Variants in PFKFB2 observed in about 807,000 individuals in gnomAD.
PFKFB2 encodes the protein 6-phosphofructo-2-kinase/fructose-2,6-biphosphatase 2.
A neutral mutation model predicts 68.0 loss-of-function variants in PFKFB2; 53 were observed. That is an observed-to-expected ratio of 0.78 (90% CI 0.63 to 0.98). The LOEUF is 0.98. Among genes scored for constraint, PFKFB2 ranks in the 50% least tolerant of loss-of-function variants. PFKFB2 has a pLI of 0.00. For synonymous variants in PFKFB2, 222 were observed against 227.6 expected, an observed-to-expected ratio of 0.98 and a Z score of 0.22; for missense variants, 451 against 642.0, an observed-to-expected ratio of 0.70 and a Z score of 3.22.
At chr1:207,050,373 T>C (rs938058418), upstream of PFKFB2, among the ~76,000 whole-genome samples, 1 of 151,454 alleles carries the variant, frequency 6.6e-6, no homozygotes, top group Non-Finnish European at 1.5e-5. Context: ...ACAGAGAAAA[T>C]AGGCCCTACT....
Position 207,072,263 on chromosome 1 carries a change from G to A in PFKFB2, c.1410G>A (p.Leu470=). The change falls in exon 15 of 15, where the codon CTG becomes CTA. Residue 470 remains leucine, a synonymous_variant. Coordinates refer to ENST00000367080, the MANE Select transcript of PFKFB2 (RefSeq NM_006212.2). ...TGAGAAGGAACAGCTTTACGCCTCT[G>A]TCCAGTTCGAATACAATAAGGCGTC... The part of the protein sequence containing the change: ...VRMRRNSFTP[L]SSSNTIRRPR... The A allele has an allele frequency of 6.2e-7, 1 of 1,614,196 alleles. No homozygotes were observed. Among genetic ancestry groups the A allele is most frequent in the Non-Finnish European group, 8.5e-7 (1 of 1,180,038 alleles).
At position 207,063,327 on chromosome 1, in the gene PFKFB2, C is replaced by T. The variant is rs1227437966; in HGVS notation, c.376-20C>T. Reference sequence around the variant, plus strand: ...TGTTTCTCTGTTCCTGCTCATTTACCTTGTGTACTTTCTTCACAGGTGTTT... The same window carrying T: ...TGTTTCTCTGTTCCTGCTCATTTACTTTGTGTACTTTCTTCACAGGTGTTT... On this transcript the variant is annotated intron_variant, in intron 5 of 14. Transcript: ENST00000367080. The surrounding 1 kb of genome is among the most constrained non-coding windows in gnomAD (Gnocchi z 4.1). 1 of 1,605,904 alleles carries T rather than the reference C, an allele frequency of 6.2e-7. No homozygotes were observed. The highest frequency in any genetic ancestry group is 1.1e-5 in the South Asian group (1 of 90,914).
intron 2 of PFKFB2, among the ~76,000 whole-genome samples, chr1:207,055,763 G>C (rs1449516412): frequency 1.3e-5 from 2 of 152,032 alleles, no homozygotes; most frequent in African/African-American, 2.4e-5. Context: ...CCAGAGCCTC[G>C]ACCTTGATGT....
rs1491305182 is a variant in PFKFB2 at position 207,055,641 on chromosome 1, T to TTTTA, written c.85+840_85+841insTTAT. 6.9e-3 allele frequency among the ~76,000 whole-genome samples: 1,015 copies of TTTTA among 147,672 alleles called. 13 individuals carry two copies. Among genetic ancestry groups the TTTTA allele is most frequent in the African/African-American group, 0.023 (936 of 40,150 alleles). Reference sequence around the variant, plus strand: ...CAGTCAGTTCTTCTCACTTCAGTGGTTATATATATATATATATATATAGCC... The same window carrying TTTTA: ...CAGTCAGTTCTTCTCACTTCAGTGGTTTTATATATATATATATATATATATAGCC... On this transcript the variant is annotated intron_variant, in intron 2 of 14. Coordinates refer to ENST00000367080, the MANE Select transcript of PFKFB2 (RefSeq NM_006212.2).
chr1:207,049,183 A>G, upstream of PFKFB2: 2 of 1,614,114 alleles, frequency 1.2e-6, no homozygotes, highest in Non-Finnish European at 1.7e-6. Context: ...CAGTGCTTGT[A>G]CAAGAACAAT....
upstream of PFKFB2, chr1:207,049,012 T>C (rs1682665151): frequency 6.2e-7 from 1 of 1,610,734 alleles, no homozygotes; most frequent in Non-Finnish European, 8.5e-7. Context: ...CCCTCATTCA[T>C]GCATAGGTCA....
chr1:207,062,081 A>G lies in PFKFB2; in HGVS notation c.211+3A>G, dbSNP rs1176986749. 2.5e-6 allele frequency: 4 copies of G among 1,613,984 alleles called. No individual in the cohort carries two copies. The African/African-American group carries it at 5.3e-5, about 22-fold the overall frequency. ...CTGGATTGGAGTCCCCACCAAAGGT[A>G]AGTGTGGCTCATTCCCTAGGAAAGA... On this transcript the variant is annotated splice_donor_region_variant and intron_variant, in intron 3 of 14. Coordinates refer to ENST00000367080, the MANE Select transcript of PFKFB2 (RefSeq NM_006212.2).
intron 8 of PFKFB2, among the ~76,000 whole-genome samples, chr1:207,066,055 G>T (rs1457363378): frequency 1.3e-5 from 2 of 152,088 alleles, no homozygotes; most frequent in Non-Finnish European, 2.9e-5. Context: ...ATTACATATT[G>T]CATATTTTTA....
intron 1 of PFKFB2, among the ~76,000 whole-genome samples, chr1:207,054,106 G>A (rs1269904409): frequency 1.3e-5 from 2 of 151,784 alleles, no homozygotes; most frequent in Admixed American, 1.3e-4. Context: ...GTTTCACCAT[G>A]TTGGCCAGGA....
At chr1:207,068,354 A>G (rs2102274347) in intron 10 of PFKFB2, 45 bp downstream of exon 10, 1 of 1,469,410 alleles carries the variant, frequency 6.8e-7, no homozygotes, top group Non-Finnish European at 9.1e-7. Flanking sequence ...ACAAGAGTTC[A>G]GGCAGGAACT....
intron 1 of PFKFB2, among the ~76,000 whole-genome samples, chr1:207,039,062 T>G (rs1682432517): frequency 6.6e-6 from 1 of 152,274 alleles, no homozygotes; most frequent in African/African-American, 2.4e-5. Context: ...AAGATCATTT[T>G]CTTGATCTTC....
At chr1:207,046,656 A>C (rs1057442744) in intron 2 of PFKFB2, 11 of 152,130 alleles carry the variant, frequency 7.2e-5, no homozygotes, top group African/African-American at 2.7e-4. Context: ...ATACAATGAA[A>C]TAAGATCCCC....
chr1:207,062,777 G>A (rs1558060681), intron 4 of PFKFB2, 61 bp downstream of exon 4: 1 of 1,480,412 alleles, frequency 6.8e-7, no homozygotes, highest in Non-Finnish European at 9.3e-7. Flanking sequence ...ATGAGACTTG[G>A]TGTGACAGGG....
At chr1:207,049,526 CAG>C, upstream of PFKFB2, 1 of 1,614,178 alleles carries the variant, frequency 6.2e-7, no homozygotes, top group Non-Finnish European at 8.5e-7. Context: ...CGTCTCATCT[CAG>C]GGGCACAAGC....
intron 13 of PFKFB2, 68 bp downstream of exon 13, chr1:207,071,318 G>A: frequency 7.2e-7 from 1 of 1,384,948 alleles, no homozygotes; most frequent in Non-Finnish European, 1.0e-6. Context: ...TCTGAAGTTT[G>A]TCTAGAGTTC....
At chr1:207,071,128 TA>T in intron 12 of PFKFB2, 59 bp from the exon 13 acceptor site, 1 of 1,324,566 alleles carries the variant, frequency 7.5e-7, no homozygotes, top group Non-Finnish European at 1.1e-6. Flanking sequence ...TTTCTTCCAC[TA>T]ACTTGACCTT....
In PFKFB2 at chr1:207,063,013, G is replaced by C. The variant is rs1399977549; in HGVS notation, c.309-130G>C. On this transcript the variant is annotated intron_variant, in intron 4 of 14. Coordinates refer to ENST00000367080, the MANE Select transcript of PFKFB2 (RefSeq NM_006212.2). This position sits in a 1 kb window ranked among gnomAD's most constrained non-coding sequence, Gnocchi z 4.1. ...CTCAGTGAGAAAGTTGAAAGATCTA[G>C]TTAGAGAAAGGTTTTGAACAGTGGG... is the stretch of plus-strand genomic sequence containing the variant. The C allele has an allele frequency of 2.5e-6, 2 of 805,230 alleles. No homozygotes were observed. The highest frequency in any genetic ancestry group is 1.7e-5 in the African/African-American group (1 of 59,486). 49.9% of individuals were successfully genotyped at this position (805,230 alleles called of 1,614,324 possible).
At chr1:207,065,396 G>T in intron 8 of PFKFB2, 1 of 810,414 alleles carries the variant, frequency 1.2e-6, no homozygotes, top group Non-Finnish European at 1.5e-6. Context: ...TGTCACCCAG[G>T]CTGGAGTGCA....
chr1:207,064,291 A>C (rs1237467364), intron 7 of PFKFB2, among the ~76,000 whole-genome samples: 1 of 151,776 alleles, frequency 6.6e-6, no homozygotes, highest in Non-Finnish European at 1.5e-5. Context: ...TGATTGTGCC[A>C]CTGCAGTCCA....
Sources: gnomAD v4.1 joint callset for allele counts (sites outside exome capture counted in the v4.1 genomes callset) on GRCh38, gnomAD v4.1.1 for gene constraint, Gnocchi (gnomAD v3.1) non-coding constraint, MANE v1.5 for transcripts, NCBI Gene and HGNC (gene_info 2026-07-23, HGNC 2026-07-21) for gene names.